Variants in MTOR observed in about 807,000 individuals in gnomAD.
MTOR encodes the protein mechanistic target of rapamycin kinase.
MTOR carries 70 observed loss-of-function variants against 319.8 expected under a neutral mutation model. The observed-to-expected ratio is 0.22, with a 90% CI of 0.18 to 0.27. MTOR has a LOEUF of 0.27. MTOR is among the 10% of genes least tolerant of loss of function. The pLI is 1.00. For missense variants in MTOR, 1,890 were observed against 3,274.4 expected, an observed-to-expected ratio of 0.58 and a Z score of 10.32; for synonymous variants, 1,183 against 1,211.4, an observed-to-expected ratio of 0.98 and a Z score of 0.49.
chr1:11,230,432 T>C (rs903057180), intron 18 of MTOR, among the ~76,000 whole-genome samples: 17 of 152,102 alleles, frequency 1.1e-4, no homozygotes, highest in African/African-American at 3.9e-4. Context: ...AAAAAGGCAG[T>C]GCAGCTCTTG....
rs1645902614 is a variant in MTOR at position 11,199,841 on chromosome 1, A to G, written c.3945-138T>C. The G allele has an allele frequency of 2.4e-6, 2 of 820,202 alleles. No individual in the cohort carries two copies. The highest frequency in any genetic ancestry group is 2.7e-5 in the Admixed American group (1 of 37,620). The allele number at this position is 820,202 out of a possible 1,614,324, so 50.8% of individuals were successfully genotyped here. A position where few individuals can be genotyped will look rare whatever the true frequency, so the allele number is the denominator to read the frequency against. ...GTGCTATACAGACCAGTGCTGTCCA[A>G]GAGAATTTTCCTGTCCAATATGGTA... On this transcript the variant is annotated intron_variant, in intron 26 of 57. Transcript: ENST00000361445. The surrounding 1 kb of genome is among the most constrained non-coding windows in gnomAD (Gnocchi z 4.5).
At chr1:11,198,467 T>C (rs1468413912) in intron 28 of MTOR, among the ~76,000 whole-genome samples, 1 of 152,202 alleles carries the variant, frequency 6.6e-6, no homozygotes, top group South Asian at 2.1e-4. Flanking sequence ...CCTCCTTTGA[T>C]AGAGCCACAC....
At chr1:11,130,332 C>T (rs908071352) in intron 39 of MTOR, among the ~76,000 whole-genome samples, 197 bp downstream of exon 39, 2 of 152,184 alleles carry the variant, frequency 1.3e-5, no homozygotes, top group East Asian at 1.9e-4. Context: ...ATAGAGGCTG[C>T]GTCAGCTCCC....
chr1:11,245,743 A>G (rs72856979), intron 8 of MTOR, among the ~76,000 whole-genome samples: 7,858 of 152,200 alleles, frequency 0.052, 277 homozygotes, highest in South Asian at 0.12. Context: ...CATCTCTACA[A>G]AAAATAAATT....
intron 34 of MTOR, chr1:11,144,410 T>G: frequency 2.2e-6 from 1 of 460,110 alleles, no homozygotes; most frequent in Non-Finnish European, 3.9e-6. Flanking sequence ...TAAAAAACAT[T>G]TTTTTTAATT....
chr1:11,195,172 A>C, intron 28 of MTOR: 2 of 880,790 alleles, frequency 2.3e-6, no homozygotes. Flanking sequence ...CAAGGAGCAC[A>C]AAAAAATCAT....
chr1:11,107,553 G>A, intron 57 of MTOR, 53 bp from the exon 58 acceptor site: 1 of 1,586,470 alleles, frequency 6.3e-7, no homozygotes, highest in South Asian at 1.1e-5. Flanking sequence ...TTCTTCAAAG[G>A]TTTACACAGA....
At chr1:11,189,396 T>C (rs1571111467) in intron 28 of MTOR, 1 of 732,406 alleles carries the variant, frequency 1.4e-6, no homozygotes, top group South Asian at 1.8e-5. Context: ...TCAGCTCCCC[T>C]GTCAGAGACT....
At chr1:11,209,764 G>T (rs1057029865) in intron 24 of MTOR, among the ~76,000 whole-genome samples, 1 of 152,176 alleles carries the variant, frequency 6.6e-6, no homozygotes, top group African/African-American at 2.4e-5. Context: ...AGCAAAGGTG[G>T]CAAACAGCCC....
chr1:11,199,629 C>G lies in MTOR; in HGVS notation c.4019G>C (p.Ser1340Thr), dbSNP rs2100746619. The stretch of plus-strand genomic sequence containing the variant: ...TTGTGAGGTGAGGGCCAACTCGATG[C>G]TTCTGATGAGCTCATCCTGTTGATC... ...NEDQQDELIR[S>T]IELALTSQDI... is the part of the protein sequence containing the mutation. The change falls in exon 27 of 58, where the codon AGC (serine) becomes ACC (threonine). Residue 1340 changes from serine (S) to threonine (T), a missense_variant. Ser to Thr is a moderately conservative substitution (Grantham distance 58). Around this residue, in one of 15 missense-constraint regions of MTOR, gnomAD observed 49 missense variants for 119.1 expected, o/e 0.41. Transcript: ENST00000361445. The surrounding 1 kb of genome is among the most constrained non-coding windows in gnomAD (Gnocchi z 4.5). 1.9e-6 allele frequency: 3 copies of G among 1,614,212 alleles called. No homozygotes were observed. Among genetic ancestry groups the G allele is most frequent in the Non-Finnish European group, 2.5e-6 (3 of 1,180,038 alleles).
chr1:11,235,129 G>C (rs1198406490), intron 13 of MTOR, among the ~76,000 whole-genome samples: 1 of 152,104 alleles, frequency 6.6e-6, no homozygotes, highest in Non-Finnish European at 1.5e-5. Context: ...AGAAATGAAG[G>C]GGATACTGAG....
intron 30 of MTOR, 102 bp downstream of exon 30, chr1:11,157,050 T>C: frequency 3.5e-6 from 5 of 1,418,882 alleles, no homozygotes; most frequent in Non-Finnish European, 4.7e-6. Context: ...AAAATGAGTC[T>C]GAAGTGAGAA....
rs866406077 is a variant in MTOR at position 11,209,527 on chromosome 1, A to G, written c.3655-69T>C. The G allele has an allele frequency of 1.7e-5, 27 of 1,582,950 alleles. No homozygotes were observed. In the Middle Eastern group the frequency reaches 3.4e-3, roughly 200 times the overall value. ...TGCTTCTGGTTTAGGAAATATCCTT[A>G]AATTTTGGGAGGTGCAGACCTGGTA... On this transcript the variant is annotated intron_variant, in intron 24 of 57. Transcript: ENST00000361445.
At chr1:11,155,619 A>C (rs1644291875) in intron 30 of MTOR, among the ~76,000 whole-genome samples, 1 of 152,136 alleles carries the variant, frequency 6.6e-6, no homozygotes, top group South Asian at 2.1e-4. Context: ...GGCCTACTAA[A>C]ATCCCCCATA....
chr1:11,252,916 C>T lies in MTOR; in HGVS notation c.840+923G>A, dbSNP rs936032320. Among the ~76,000 whole-genome samples, 16 of 152,184 alleles carry T rather than the reference C, an allele frequency of 1.1e-4. 1 individual carries two copies. The highest frequency in any genetic ancestry group is 9.8e-4 in the Admixed American group (15 of 15,274). On this transcript the variant is annotated intron_variant, in intron 6 of 57. Coordinates refer to ENST00000361445, the MANE Select transcript of MTOR (RefSeq NM_004958.4). Reference sequence around the variant, plus strand: ...GCCGTGAGAATGCAACCTCCAACTACAAGGCGCATAACCAAGGGCCCCAGC... The same window carrying T: ...GCCGTGAGAATGCAACCTCCAACTATAAGGCGCATAACCAAGGGCCCCAGC...
intron 36 of MTOR, among the ~76,000 whole-genome samples, chr1:11,135,500 T>C (rs1643360137): frequency 1.3e-5 from 2 of 152,238 alleles, no homozygotes; most frequent in African/African-American, 4.8e-5. Flanking sequence ...CAGTTCTCCT[T>C]ATGGTAAATC....
At chr1:11,112,812 A>G (rs771544509) in intron 54 of MTOR, 40 bp downstream of exon 54, 40 of 1,607,232 alleles carry the variant, frequency 2.5e-5, no homozygotes, top group Non-Finnish European at 3.4e-5. Flanking sequence ...CACTCTGCAC[A>G]AGGGGGAGAG....
intron 54 of MTOR, chr1:11,111,441 A>C (rs2100297544): frequency 5.8e-6 from 1 of 173,812 alleles, no homozygotes; most frequent in Non-Finnish European, 1.2e-5. Flanking sequence ...AGACTGCGCC[A>C]CCATACTCCA....
At chr1:11,160,130 C>T (rs12089366) in intron 29 of MTOR, among the ~76,000 whole-genome samples, 42,257 of 138,764 alleles carry the variant, frequency 0.3, 6,580 homozygotes, top group African/African-American at 0.44. Context: ...GGCAGAGTTT[C>T]GCTCTTGTTG....
Sources: gnomAD v4.1 joint callset for allele counts (sites outside exome capture counted in the v4.1 genomes callset) on GRCh38, gnomAD v4.1.1 for gene constraint, gnomAD v4.1.1 regional missense constraint, Gnocchi (gnomAD v3.1) non-coding constraint, MANE v1.5 for transcripts, NCBI Gene and HGNC (gene_info 2026-07-23, HGNC 2026-07-21) for gene names.